Variants in SLAMF9 observed in about 807,000 individuals in gnomAD.
The protein encoded by SLAMF9 is SLAM family member 9.
SLAMF9 carries 25 observed loss-of-function variants against 30.4 expected under a neutral mutation model. The ratio of observed to expected loss-of-function variants is 0.82; its 90% confidence interval spans 0.60 to 1.15. The LOEUF (loss-of-function observed/expected upper bound fraction) is 1.15. Ranked by LOEUF, SLAMF9 falls within the 50% of genes most tolerant of loss-of-function variation. The pLI is 0.00. For synonymous variants in SLAMF9, 129 were observed against 127.2 expected (o/e 1.01, Z -0.09); for missense variants, 344 against 346.1 (o/e 0.99, Z 0.05).
the SLAMF9 span, among the ~76,000 whole-genome samples, chr1:159,968,786 C>T: frequency 1.3e-5 from 2 of 152,298 alleles, no homozygotes; most frequent in African/African-American, 2.4e-5. Context: ...CACGGTGGCT[C>T]ACGCCTGTAA....
chr1:159,968,478 G>A, the SLAMF9 span, among the ~76,000 whole-genome samples: 2 of 152,048 alleles, frequency 1.3e-5, no homozygotes, highest in South Asian at 2.1e-4. Context: ...ATGCAAAATC[G>A]TCTCTCTTCC....
the SLAMF9 span, among the ~76,000 whole-genome samples, chr1:159,974,404 T>C: frequency 6.6e-6 from 1 of 152,232 alleles, no homozygotes; most frequent in Admixed American, 6.5e-5. Context: ...ATCCCAATTA[T>C]GTAGCTATCT....
chr1:159,951,621 G>A lies in SLAMF9; in HGVS notation c.*40C>T, dbSNP rs1228068067. The A allele has an allele frequency of 1.3e-6, 2 of 1,594,892 alleles. No homozygotes were observed. Among genetic ancestry groups the A allele is most frequent in the Non-Finnish European group, 1.7e-6 (2 of 1,164,948 alleles). On this transcript the variant is annotated 3_prime_UTR_variant, in exon 4 of 4. Coordinates refer to ENST00000368093, the MANE Select transcript of SLAMF9 (RefSeq NM_033438.4). ...CTGAGGAAGGATTCTCTGGGTGCTG[G>A]GAAGAAACCAAGCTCAGGACTGGGG...
chr1:159,973,744 C>T, the SLAMF9 span: 86 of 1,529,690 alleles, frequency 5.6e-5, no homozygotes, highest in East Asian at 2.0e-4. Flanking sequence ...TCTCTAGAGA[C>T]GGGACCCCTG....
chr1:159,968,102 A>G, the SLAMF9 span, among the ~76,000 whole-genome samples: 2 of 152,158 alleles, frequency 1.3e-5, no homozygotes, highest in East Asian at 3.8e-4. Flanking sequence ...CTTTCTCTTG[A>G]ATAATTGCTC....
At chr1:159,957,353 C>T (rs1473230781), upstream of SLAMF9, among the ~76,000 whole-genome samples, 1 of 152,066 alleles carries the variant, frequency 6.6e-6, no homozygotes, top group African/African-American at 2.4e-5. Flanking sequence ...AGGCCAGGCA[C>T]AGTGGCTCAC....
chr1:159,974,030 C>A, the SLAMF9 span: 2 of 1,607,338 alleles, frequency 1.2e-6, no homozygotes, highest in East Asian at 4.5e-5. Context: ...CTCCTTCAAA[C>A]ACAGGGTTTG....
the SLAMF9 span, among the ~76,000 whole-genome samples, chr1:159,960,154 A>C: frequency 7.3e-6 from 1 of 137,914 alleles, no homozygotes; most frequent in Non-Finnish European, 1.6e-5. Context: ...TCCTAATGCT[A>C]TCCCTCCCCC....
chr1:159,954,339 C>A, upstream of SLAMF9: 1 of 455,156 alleles, frequency 2.2e-6, no homozygotes, highest in Non-Finnish European at 3.9e-6. Flanking sequence ...TCTCTTAGTT[C>A]TCTTTCAGAT....
In SLAMF9 at chr1:159,951,505, A is replaced by ATTTGAC; in HGVS notation, c.*150_*155dup. On this transcript the variant is annotated 3_prime_UTR_variant, in exon 4 of 4. Coordinates refer to ENST00000368093, the MANE Select transcript of SLAMF9 (RefSeq NM_033438.4). ...GCTCCTGCAGAGTTGTGGTCACTTA[A>ATTTGAC]TTTGACTTTATTGCCAGCCAGTCTT... The ATTTGAC allele has an allele frequency of 1.5e-6, 1 of 669,344 alleles. No individual in the cohort carries two copies. The highest frequency in any genetic ancestry group is 2.5e-6 in the Non-Finnish European group (1 of 398,912). The allele number at this position is 669,344 out of a possible 1,614,324, so 41.5% of individuals were successfully genotyped here. A position where few individuals can be genotyped will look rare whatever the true frequency, so the allele number is the denominator to read the frequency against.
the SLAMF9 span, among the ~76,000 whole-genome samples, chr1:159,979,912 T>C: frequency 3.3e-5 from 5 of 152,074 alleles, no homozygotes; most frequent in Non-Finnish European, 7.4e-5. Context: ...AGCCATAAAT[T>C]AATAAACTGT....
At position 159,952,334 on chromosome 1, in the gene SLAMF9, A is replaced by G. The variant is rs745992736; in HGVS notation, c.592T>C (p.Tyr198His). The G allele has an allele frequency of 1.2e-6, 2 of 1,614,096 alleles. No individual in the cohort carries two copies. The highest frequency in any genetic ancestry group is 1.7e-6 in the Non-Finnish European group (2 of 1,180,004). Residue 198 changes from tyrosine to histidine, a missense_variant, in exon 3 of 4, where the codon TAC becomes CAC. Transcript: ENST00000368093. ...ATGGGGTTGTTGGCTCTGCAGGTGT[A>G]GGAGAGGGCACTGTCCCCCGGCCTC... is the stretch of plus-strand genomic sequence containing the variant. ...SWRPGDSALSYTCRANNPISN... is the reference protein window; with the variant it reads ...SWRPGDSALSHTCRANNPISN...
the SLAMF9 span, chr1:159,976,912 AAAAGAAAGAAAGAAAG>A: frequency 1.7e-5 from 1 of 59,500 alleles, no homozygotes; most frequent in African/African-American, 6.0e-5. Flanking sequence ...AGGAAAGAAA[AAAAGAAAGAAAGAAAG>A]AAAGAAAGAA....
the SLAMF9 span, among the ~76,000 whole-genome samples, chr1:159,974,411 A>G: frequency 6.6e-6 from 1 of 152,020 alleles, no homozygotes; most frequent in Non-Finnish European, 1.5e-5. Flanking sequence ...TTATGTAGCT[A>G]TCTTATTCCT....
upstream of SLAMF9, among the ~76,000 whole-genome samples, chr1:159,957,477 A>T (rs1651948791): frequency 6.6e-6 from 1 of 152,060 alleles, no homozygotes; most frequent in Admixed American, 6.6e-5. Flanking sequence ...TACAAAAATT[A>T]GCCAGGTGTG....
chr1:159,952,795 C>T (rs1158034693), intron 2 of SLAMF9, among the ~76,000 whole-genome samples: 1 of 152,182 alleles, frequency 6.6e-6, no homozygotes, highest in Admixed American at 6.5e-5. Context: ...TGTACTCTAC[C>T]TTCCTCCAAA....
exon 1 of SLAMF9, chr1:159,954,229 AGCCTGACTGATG>A (rs981383967): frequency 6.9e-7 from 1 of 1,440,702 alleles, no homozygotes; most frequent in African/African-American, 1.4e-5. Flanking sequence ...AGACACAAAG[AGCCTGACTGATG>A]GTCCTGAGAA....
At chr1:159,980,427 A>G in the SLAMF9 span, 1 of 152,282 alleles carries the variant, frequency 6.6e-6, no homozygotes, top group African/African-American at 2.4e-5. Flanking sequence ...TCACTGCCCA[A>G]GTGCCCACCC....
the SLAMF9 span, chr1:159,983,552 T>C: frequency 6.6e-6 from 1 of 152,240 alleles, no homozygotes; most frequent in Admixed American, 6.5e-5. Context: ...TAATTTAAGT[T>C]AGTTTCTATT....
Sources: allele counts gnomAD v4.1 joint callset (sites outside exome capture counted in the v4.1 genomes callset), GRCh38; gene constraint gnomAD v4.1.1; transcripts MANE v1.5; gene names NCBI Gene and HGNC (gene_info 2026-07-23, HGNC 2026-07-21).